CDH11: variants seen among roughly 807,000 people sequenced by gnomAD.
CDH11 encodes the protein cadherin-11.
In CDH11, 11 loss-of-function variants were observed where a neutral mutation model predicts 67.8. That is an observed-to-expected ratio of 0.16 (90% CI 0.10 to 0.27). The LOEUF (loss-of-function observed/expected upper bound fraction) is 0.27. Among genes scored for constraint, CDH11 ranks in the 10% least tolerant of loss-of-function variants. CDH11 has a pLI of 1.00. For missense variants in CDH11, 847 were observed against 1,031.2 expected, an observed-to-expected ratio of 0.82 and a Z score of 2.45; for synonymous variants, 419 against 400.0, an observed-to-expected ratio of 1.05 and a Z score of -0.57.
At chr16:65,077,043 T>C (rs1346104113) in intron 1 of CDH11, among the ~76,000 whole-genome samples, 1 of 152,136 alleles carries the variant, frequency 6.6e-6, no homozygotes, top group East Asian at 1.9e-4. Flanking sequence ...ATCAGGAGTA[T>C]AAAAGACACC....
At chr16:65,050,830 G>T (rs1352539590) in intron 2 of CDH11, among the ~76,000 whole-genome samples, 2 of 150,810 alleles carry the variant, frequency 1.3e-5, no homozygotes, top group East Asian at 1.9e-4. Flanking sequence ...TCCTAGACAT[G>T]AAATTAAATT....
rs149963354 is a variant in CDH11 at position 64,976,320 on chromosome 16, T to C, written c.1254-3280A>G. ...ACAGTGTTATCTGAGGCATAACAGG[T>C]TAGTGCCAAGAAAACTAAAGGGAGA... On this transcript the variant is annotated intron_variant, in intron 8 of 12. Transcript: ENST00000268603. Among the ~76,000 whole-genome samples the C allele has an allele frequency of 2.2e-3, 340 of 152,042 alleles. 3 individuals carry two copies. Among genetic ancestry groups the C allele is most frequent in the African/African-American group, 7.5e-3 (312 of 41,460 alleles).
At chr16:64,998,478 C>T in intron 4 of CDH11, 84 bp downstream of exon 4, 3 of 1,293,396 alleles carry the variant, frequency 2.3e-6, no homozygotes, top group South Asian at 2.7e-5. Flanking sequence ...GCTCTACTTC[C>T]TGATTTGGGA....
At chr16:65,102,535 T>C (rs2075009456) in intron 1 of CDH11, among the ~76,000 whole-genome samples, 1 of 152,238 alleles carries the variant, frequency 6.6e-6, no homozygotes. Flanking sequence ...CCCTGGCCTG[T>C]AGCCAAAGGG....
At chr16:64,999,450 C>T (rs906044303) in intron 3 of CDH11, among the ~76,000 whole-genome samples, 1 of 152,204 alleles carries the variant, frequency 6.6e-6, no homozygotes, top group Admixed American at 6.5e-5. Flanking sequence ...ACAATAAATT[C>T]AGGTGACTAT....
At chr16:64,970,306 C>A (rs2071968837) in intron 11 of CDH11, among the ~76,000 whole-genome samples, 1 of 152,138 alleles carries the variant, frequency 6.6e-6, no homozygotes, top group Non-Finnish European at 1.5e-5. Flanking sequence ...AAATCATAGA[C>A]CCTCAAAATC....
chr16:65,009,233 TA>T (rs368287810), intron 2 of CDH11, among the ~76,000 whole-genome samples: 33 of 151,142 alleles, frequency 2.2e-4, no homozygotes, highest in African/African-American at 4.6e-4. Context: ...TAGACTATAA[TA>T]AAAAAAAATT....
chr16:65,115,714 A>C (rs1026859556), intron 1 of CDH11, among the ~76,000 whole-genome samples: 1 of 138,836 alleles, frequency 7.2e-6, no homozygotes, highest in Non-Finnish European at 1.6e-5. Flanking sequence ...CACCAAAAAA[A>C]AAAAAAACAA....
chr16:64,964,137 G>T (rs1297917902), intron 11 of CDH11, among the ~76,000 whole-genome samples: 1 of 152,192 alleles, frequency 6.6e-6, no homozygotes, highest in East Asian at 1.9e-4. Flanking sequence ...ATTAGGTATG[G>T]TTATTCATAT....
chr16:64,998,934 ATC>A, intron 3 of CDH11, 78 bp from the exon 4 acceptor site: 1 of 1,154,942 alleles, frequency 8.7e-7, no homozygotes, highest in Non-Finnish European at 1.3e-6. Context: ...GATTGCAACA[ATC>A]TGCTGCGCAC....
At chr16:65,045,939 A>T (rs1378166130) in intron 2 of CDH11, among the ~76,000 whole-genome samples, 3 of 152,114 alleles carry the variant, frequency 2.0e-5, no homozygotes, top group Admixed American at 2.0e-4. Context: ...TTATTTGATG[A>T]GTTAGTGAAT....
chr16:64,983,220 C>T (rs557803804), intron 7 of CDH11: 13 of 139,474 alleles, frequency 9.3e-5, no homozygotes, highest in African/African-American at 3.3e-4. Context: ...AAATTTTACA[C>T]AAATATGAAA....
At chr16:64,980,154 G>T (rs772697765) in intron 8 of CDH11, among the ~76,000 whole-genome samples, 6 of 152,086 alleles carry the variant, frequency 3.9e-5, no homozygotes, top group Non-Finnish European at 7.4e-5. Context: ...CAGTGGTAAT[G>T]GTTGAACATC....
intron 2 of CDH11, among the ~76,000 whole-genome samples, chr16:65,041,656 G>A (rs1036899393): frequency 6.6e-6 from 1 of 152,222 alleles, no homozygotes; most frequent in Non-Finnish European, 1.5e-5. Context: ...TTATTGGAAT[G>A]TTCTTCTGAT....
At chr16:65,096,532 T>C (rs901515560) in intron 1 of CDH11, among the ~76,000 whole-genome samples, 2 of 151,116 alleles carry the variant, frequency 1.3e-5, no homozygotes, top group Admixed American at 6.6e-5. Flanking sequence ...TACATATATG[T>C]ATATATACAC....
chr16:65,050,085 A>G (rs1396009672), intron 2 of CDH11, among the ~76,000 whole-genome samples: 1 of 152,120 alleles, frequency 6.6e-6, no homozygotes, highest in Admixed American at 6.5e-5. Flanking sequence ...CAGGATGCCA[A>G]TGTGTGTACA....
chr16:64,968,279 G>A (rs80052240), intron 11 of CDH11: 16,858 of 266,590 alleles, frequency 0.063, 701 homozygotes, highest in Non-Finnish European at 0.078. Flanking sequence ...GTGAAACAAT[G>A]ACATGAGAAG....
chr16:65,082,478 C>T (rs1452292649), intron 1 of CDH11, among the ~76,000 whole-genome samples: 1 of 152,148 alleles, frequency 6.6e-6, no homozygotes, highest in African/African-American at 2.4e-5. Context: ...ATTCCTCTTC[C>T]CTCAGAAGTC....
intron 11 of CDH11, among the ~76,000 whole-genome samples, chr16:64,957,034 G>A (rs1332730045): frequency 1.3e-5 from 2 of 152,142 alleles, no homozygotes; most frequent in Non-Finnish European, 2.9e-5. Context: ...ATATGGACCA[G>A]CTCCTGCATA....
Sources: gnomAD v4.1 joint callset for allele counts (sites outside exome capture counted in the v4.1 genomes callset) on GRCh38, gnomAD v4.1.1 for gene constraint, MANE v1.5 for transcripts, NCBI Gene and HGNC (gene_info 2026-07-23, HGNC 2026-07-21) for gene names.